The following SLIT1 variants were observed in gnomAD, a reference collection of about 807,000 sequenced individuals.
SLIT1 encodes the protein slit guidance ligand 1.
SLIT1 carries 66 observed loss-of-function variants against 186.1 expected under a neutral mutation model. The observed-to-expected ratio is 0.35, with a 90% confidence interval of 0.29 to 0.44. The LOEUF (loss-of-function observed/expected upper bound fraction) is 0.44. SLIT1 is among the 20% of genes least tolerant of loss of function. The probability of loss-of-function intolerance (pLI) is 1.00; values close to 1 mark genes in which losing one functional copy is unlikely to be tolerated. For synonymous variants in SLIT1, 761 were observed against 833.8 expected (o/e 0.91, Z 1.50); for missense variants, 1,638 against 2,037.4 (o/e 0.80, Z 3.77).
intron 4 of SLIT1, among the ~76,000 whole-genome samples, chr10:97,069,984 A>G (rs57986254): frequency 0.025 from 3,797 of 152,104 alleles, 138 homozygotes; most frequent in African/African-American, 0.078. Context: ...GGAGAACCCA[A>G]CCCAGGTCAT....
At chr10:97,024,525 G>A (rs540958924) in intron 25 of SLIT1, among the ~76,000 whole-genome samples, 2 of 152,256 alleles carry the variant, frequency 1.3e-5, no homozygotes, top group Admixed American at 1.3e-4. Flanking sequence ...TTCCTTATTT[G>A]CTGACAGCAT....
At chr10:97,100,453 G>A (rs1460355350) in intron 4 of SLIT1, among the ~76,000 whole-genome samples, 2 of 151,982 alleles carry the variant, frequency 1.3e-5, no homozygotes, top group Non-Finnish European at 2.9e-5. Flanking sequence ...GTGAAACGCT[G>A]TCTCTACAAA....
intron 4 of SLIT1, among the ~76,000 whole-genome samples, chr10:97,085,531 G>T (rs939221496): frequency 1.3e-5 from 2 of 152,048 alleles, no homozygotes; most frequent in Non-Finnish European, 2.9e-5. Context: ...GGGATTACAG[G>T]CGCATGCCAC....
rs1453438381 is a variant in SLIT1, at chr10:97,046,669, T to C, written c.1838A>G (p.Asp613Gly). The change falls in exon 18 of 37, where the codon GAT becomes GGT. Residue 613 changes from aspartate to glycine, a missense_variant. Asp to Gly is a moderately conservative substitution (Grantham distance 94). Coordinates refer to ENST00000266058, the MANE Select transcript of SLIT1 (RefSeq NM_003061.3). ...GCACACTCACAGGGTCCTCAAGCCA[T>C]CCAGACCCCGGAACATGCCGCTCCG... is the stretch of plus-strand genomic sequence containing the variant. ...SIRSGMFRGLDGLRTLMLRNN... is the reference protein window; with the variant it reads ...SIRSGMFRGLGGLRTLMLRNN... 1.9e-6 allele frequency: 3 copies of C among 1,608,958 alleles called. No homozygotes were observed. Among genetic ancestry groups the C allele is most frequent in the Non-Finnish European group, 1.7e-6 (2 of 1,179,874 alleles).
intron 4 of SLIT1, among the ~76,000 whole-genome samples, chr10:97,075,609 C>T (rs1252618899): frequency 1.3e-5 from 2 of 152,326 alleles, no homozygotes; most frequent in East Asian, 1.9e-4. Context: ...GGTGCCAGCA[C>T]GGGGCAGCCT....
At chr10:97,124,162 A>G (rs998919383) in intron 4 of SLIT1, among the ~76,000 whole-genome samples, 1 of 152,210 alleles carries the variant, frequency 6.6e-6, no homozygotes, top group African/African-American at 2.4e-5. Context: ...AGTATGCATA[A>G]CCTTATAAAT....
intron 8 of SLIT1, among the ~76,000 whole-genome samples, chr10:97,062,201 G>A (rs1456110153): frequency 6.6e-6 from 1 of 151,988 alleles, no homozygotes; most frequent in East Asian, 1.9e-4. Context: ...TCGCACACAG[G>A]CACACACACT....
intron 23 of SLIT1, among the ~76,000 whole-genome samples, chr10:97,033,169 C>T (rs941248407): frequency 1.3e-5 from 2 of 152,058 alleles, no homozygotes; most frequent in African/African-American, 2.4e-5. Context: ...CCACCTCAGC[C>T]CCCCAAGTAG....
At chr10:97,060,307 G>C in intron 9 of SLIT1, 149 bp from the exon 10 acceptor site, 2 of 701,212 alleles carry the variant, frequency 2.9e-6, no homozygotes, top group Non-Finnish European at 5.0e-6. Flanking sequence ...CTGGGGTAAG[G>C]ACGCCGGGAC....
chr10:97,056,951 C>T (rs1168744464), intron 12 of SLIT1, among the ~76,000 whole-genome samples: 1 of 152,204 alleles, frequency 6.6e-6, no homozygotes, highest in East Asian at 1.9e-4. Flanking sequence ...CACCAAGCTC[C>T]TCAGGAGCAC....
chr10:97,082,529 GGTTCAC>G (rs995232314), intron 4 of SLIT1, among the ~76,000 whole-genome samples: 1 of 151,940 alleles, frequency 6.6e-6, no homozygotes, highest in African/African-American at 2.4e-5. Flanking sequence ...CCGCCTTCTG[GGTTCAC>G]GTCATTCTCC....
At chr10:97,014,908 T>C (rs950542261) in intron 28 of SLIT1, among the ~76,000 whole-genome samples, 1 of 148,626 alleles carries the variant, frequency 6.7e-6, no homozygotes, top group Non-Finnish European at 1.5e-5. Flanking sequence ...ACCCCACAGC[T>C]AGTCTTCTAT....
intron 3 of SLIT1, among the ~76,000 whole-genome samples, chr10:97,160,681 A>G (rs966520429): frequency 2.6e-5 from 4 of 152,248 alleles, no homozygotes; most frequent in Admixed American, 1.3e-4. Context: ...CATAAAATGA[A>G]ATGTCTAAGG....
At chr10:97,129,474 G>T (rs1849633952) in intron 4 of SLIT1, among the ~76,000 whole-genome samples, 1 of 152,118 alleles carries the variant, frequency 6.6e-6, no homozygotes, top group South Asian at 2.1e-4. Flanking sequence ...CCATCACAGT[G>T]CCTGATCTCA....
rs757919896 is a variant in SLIT1 at position 97,064,948 on chromosome 10, G to A, written c.486-72C>T. The A allele has an allele frequency of 2.8e-5, 33 of 1,198,168 alleles. 1 individual carries two copies. The highest frequency in any genetic ancestry group is 1.1e-4 in the South Asian group (8 of 72,322). 74.2% of individuals were successfully genotyped at this position (1,198,168 alleles called of 1,614,324 possible). On this transcript the variant is annotated intron_variant, in intron 5 of 36. Transcript: ENST00000266058. ...GTAAGGGTGTCCAAACATTCTGACCGCGTGCTCCATTCATTCAAAAGAGGT... is the reference window on the plus strand; with the variant it reads ...GTAAGGGTGTCCAAACATTCTGACCACGTGCTCCATTCATTCAAAAGAGGT...
chr10:97,080,725 C>T (rs904199908), intron 4 of SLIT1, among the ~76,000 whole-genome samples: 1 of 152,236 alleles, frequency 6.6e-6, no homozygotes, highest in Admixed American at 6.5e-5. Context: ...AGTCAACTCA[C>T]ACCAAATAGT....
chr10:97,143,526 G>A (rs552032825), intron 4 of SLIT1, among the ~76,000 whole-genome samples: 1 of 152,318 alleles, frequency 6.6e-6, no homozygotes, highest in East Asian at 1.9e-4. Flanking sequence ...AAGTTCTGGA[G>A]ATCTGTTTAA....
rs1848430462 is a variant in SLIT1, at chr10:97,013,736, C to T, written c.3203+5G>A. The T allele has an allele frequency of 6.5e-7, 1 of 1,550,258 alleles. No individual in the cohort carries two copies. Among genetic ancestry groups the T allele is most frequent in the East Asian group, 2.4e-5 (1 of 40,908 alleles). On this transcript the variant is annotated splice_donor_5th_base_variant and intron_variant, in intron 30 of 36. Transcript: ENST00000266058. Reference sequence around the variant, plus strand: ...TCCCTGGCCCTGGAAAGGGGCAACACTCACCTGGGCCCATCCGGGGTGCCC... The same window carrying T: ...TCCCTGGCCCTGGAAAGGGGCAACATTCACCTGGGCCCATCCGGGGTGCCC...
intron 30 of SLIT1, among the ~76,000 whole-genome samples, chr10:97,013,160 G>A (rs748954237): frequency 2.0e-5 from 3 of 152,136 alleles, no homozygotes; most frequent in Admixed American, 6.5e-5. Flanking sequence ...AGGCAGCCCC[G>A]TAATCAGACT....
Sources: allele counts gnomAD v4.1 joint callset (sites outside exome capture counted in the v4.1 genomes callset), GRCh38; gene constraint gnomAD v4.1.1; transcripts MANE v1.5; gene names NCBI Gene and HGNC (gene_info 2026-07-23, HGNC 2026-07-21).